Variants in IFT80 observed in about 807,000 individuals in gnomAD.
IFT80 encodes the protein intraflagellar transport 80.
Under a neutral mutation model 107.9 loss-of-function variants are expected in IFT80, and 79 were observed. That is an observed-to-expected ratio of 0.73 (90% CI 0.61 to 0.88). The LOEUF is 0.88. Among genes scored for constraint, IFT80 ranks in the 40% least tolerant of loss-of-function variants. The probability of loss-of-function intolerance (pLI) is 0.00; values close to 1 mark genes in which losing one functional copy is unlikely to be tolerated. For missense variants in IFT80, 797 were observed against 914.2 expected (o/e 0.87, Z 1.65); for synonymous variants, 299 against 300.9 (o/e 0.99, Z 0.07).
chr3:160,330,934 G>A (rs950940933), intron 8 of IFT80, among the ~76,000 whole-genome samples: 3 of 152,088 alleles, frequency 2.0e-5, no homozygotes, highest in African/African-American at 7.2e-5. Context: ...CTCAGTGGAG[G>A]CCTGAAGCCA....
Position 160,354,273 on chromosome 3 carries a change from A to G in IFT80, c.777+1740T>C, listed in dbSNP as rs114362085. Reference sequence around the variant, plus strand: ...AAAGGAGGGACCTAGCAGAAAAGAAATTAGAAAAATATACAAACAAACTTT... The same window carrying G: ...AAAGGAGGGACCTAGCAGAAAAGAAGTTAGAAAAATATACAAACAAACTTT... On this transcript the variant is annotated intron_variant, in intron 8 of 19. Transcript: ENST00000326448. Among the ~76,000 whole-genome samples, 678 of 152,290 alleles carry G rather than the reference A, an allele frequency of 4.5e-3. 7 individuals carry two copies. The highest frequency in any genetic ancestry group is 0.016 in the African/African-American group (653 of 41,560).
Position 160,356,130 on chromosome 3 carries a change from G to A in IFT80, c.660C>T (p.Arg220=), listed in dbSNP as rs1273396487. 3 of 1,613,930 alleles carry A rather than the reference G, an allele frequency of 1.9e-6. No individual in the cohort carries two copies. Among genetic ancestry groups the A allele is most frequent in the African/African-American group, 1.3e-5 (1 of 74,898 alleles). The change falls in exon 8 of 20, where the codon CGC becomes CGT. Residue 220 remains arginine (R), a synonymous_variant. Coordinates refer to ENST00000326448, the MANE Select transcript of IFT80 (RefSeq NM_020800.3). ...CATGAGGTTGTGAATTGTACAGTGGGCGGCCGTAACTATCCCATACCTACA... is the reference window on the plus strand; with the variant it reads ...CATGAGGTTGTGAATTGTACAGTGGACGGCCGTAACTATCCCATACCTACA... ...CKYKVWDSYG[R]PLYNSQPHEH...
intron 2 of IFT80, chr3:160,383,702 T>A: frequency 1.0e-6 from 1 of 985,410 alleles, no homozygotes; most frequent in South Asian, 4.7e-5. Flanking sequence ...TCTAAATGTC[T>A]AAGAATGATG....
chr3:160,338,341 C>T (rs1010951908), intron 8 of IFT80, among the ~76,000 whole-genome samples: 3 of 152,160 alleles, frequency 2.0e-5, no homozygotes, highest in Non-Finnish European at 2.9e-5. Flanking sequence ...CAGTGGCTCA[C>T]GCCTGTAATC....
chr3:160,318,786 A>C (rs1276889597), intron 9 of IFT80, among the ~76,000 whole-genome samples: 1 of 152,066 alleles, frequency 6.6e-6, no homozygotes, highest in African/African-American at 2.4e-5. Flanking sequence ...GAATTTGATA[A>C]AACAAGAGCA....
chr3:160,266,155 C>T (rs1296127912), intron 19 of IFT80, among the ~76,000 whole-genome samples: 2 of 150,824 alleles, frequency 1.3e-5, no homozygotes, highest in East Asian at 1.9e-4. Context: ...TATATAGTTT[C>T]TGGATGGAAA....
chr3:160,361,896 T>C (rs931767411), intron 6 of IFT80, among the ~76,000 whole-genome samples: 2 of 152,210 alleles, frequency 1.3e-5, no homozygotes, highest in Non-Finnish European at 2.9e-5. Flanking sequence ...GGGAAATTTA[T>C]AGCACTAAAT....
Position 160,286,135 on chromosome 3 carries a change from A to G in IFT80, c.1316-267T>C, listed in dbSNP as rs1028886766. Among the ~76,000 whole-genome samples the G allele has an allele frequency of 4.6e-5, 7 of 152,354 alleles. No individual in the cohort carries two copies. The East Asian group carries it at 1.3e-3, about 29-fold the overall frequency. ...TCCACAGGCTCACAATGGGAAGTCC[A>G]AATGTGAATGTAATTTATAATTCTG... On this transcript the variant is annotated intron_variant, in intron 12 of 19. Coordinates refer to ENST00000326448, the MANE Select transcript of IFT80 (RefSeq NM_020800.3).
chr3:160,365,922 C>T (rs1472902933), intron 6 of IFT80, 121 bp downstream of exon 6: 9 of 758,366 alleles, frequency 1.2e-5, no homozygotes, highest in Non-Finnish European at 2.2e-5. Context: ...CTGATTAAAC[C>T]ATGTACTTAA....
chr3:160,373,282 T>C (rs1163817724), intron 5 of IFT80, among the ~76,000 whole-genome samples: 2 of 152,208 alleles, frequency 1.3e-5, no homozygotes, highest in East Asian at 1.9e-4. Context: ...CATCTATTTG[T>C]GATCTCCAAT....
In IFT80 at chr3:160,303,936, C is replaced by T. The variant is rs146470388; in HGVS notation, c.1130G>A (p.Ser377Asn). 4 of 1,610,896 alleles carry T rather than the reference C, an allele frequency of 2.5e-6. No homozygotes were observed. In the Admixed American group the frequency reaches 6.7e-5, roughly 27 times the overall value. The change falls in exon 11 of 20, where the codon AGT (serine) becomes AAT (asparagine). Residue 377 changes from serine to asparagine, a missense_variant. Transcript: ENST00000326448. ...IIFDLKEGTVSLILQAERHFL... is the reference protein window; with the variant it reads ...IIFDLKEGTVNLILQAERHFL... ...TTACCTTTCTGCCTGCAGAATCAAACTAACAGTTCCTTCTTTGAGATCAAA... is the reference window on the plus strand; with the variant it reads ...TTACCTTTCTGCCTGCAGAATCAAATTAACAGTTCCTTCTTTGAGATCAAA...
chr3:160,263,366 G>A (rs547945848), intron 19 of IFT80, among the ~76,000 whole-genome samples: 7 of 152,212 alleles, frequency 4.6e-5, no homozygotes, highest in South Asian at 4.1e-4. Context: ...TATCTTTCAC[G>A]TCTGATGTTA....
At chr3:160,357,874 C>T (rs1219680826) in intron 6 of IFT80, among the ~76,000 whole-genome samples, 1 of 152,228 alleles carries the variant, frequency 6.6e-6, no homozygotes, top group Admixed American at 6.5e-5. Context: ...TCAAGCCGGA[C>T]ATTTGTACAA....
chr3:160,327,406 A>G (rs896113646), intron 8 of IFT80, among the ~76,000 whole-genome samples: 1 of 152,182 alleles, frequency 6.6e-6, no homozygotes, highest in African/African-American at 2.4e-5. Flanking sequence ...TGGAGGCATT[A>G]TACTACCTGA....
At chr3:160,304,490 C>T (rs758460816) in intron 10 of IFT80, among the ~76,000 whole-genome samples, 99 of 149,986 alleles carry the variant, frequency 6.6e-4, no homozygotes, top group Admixed American at 6.7e-4. Flanking sequence ...GGCTGGAGTC[C>T]AGTGGCACAA....
intron 5 of IFT80, among the ~76,000 whole-genome samples, chr3:160,370,318 T>G (rs1322630075): frequency 6.6e-6 from 1 of 152,120 alleles, no homozygotes; most frequent in Non-Finnish European, 1.5e-5. Flanking sequence ...CTACTACAAA[T>G]TATTTTGTAA....
chr3:160,331,301 T>C (rs1719072587), intron 8 of IFT80, among the ~76,000 whole-genome samples: 1 of 152,162 alleles, frequency 6.6e-6, no homozygotes, highest in African/African-American at 2.4e-5. Flanking sequence ...AAAGGGATGA[T>C]TCATGTCCTG....
intron 11 of IFT80, among the ~76,000 whole-genome samples, chr3:160,303,128 AG>A (rs1716564814): frequency 6.6e-6 from 1 of 152,184 alleles, no homozygotes; most frequent in African/African-American, 2.4e-5. Flanking sequence ...CTACATGATG[AG>A]GAATGAGGAA....
At chr3:160,324,227 T>C (rs1201528452) in intron 8 of IFT80, among the ~76,000 whole-genome samples, 1 of 152,156 alleles carries the variant, frequency 6.6e-6, no homozygotes, top group Non-Finnish European at 1.5e-5. Flanking sequence ...CCATTCCTTC[T>C]GAAACTATTC....
Sources: allele counts gnomAD v4.1 joint callset (sites outside exome capture counted in the v4.1 genomes callset), GRCh38; gene constraint gnomAD v4.1.1; transcripts MANE v1.5; gene names NCBI Gene and HGNC (gene_info 2026-07-23, HGNC 2026-07-21).